The following ANG variants were observed in gnomAD, a reference collection of about 807,000 sequenced individuals.
ANG encodes Homo sapiens epididymis luminal protein 168.
For synonymous variants in ANG, 74 were observed against 73.8 expected, an observed-to-expected ratio of 1.00 and a Z score of -0.02; for missense variants, 178 against 187.4, an observed-to-expected ratio of 0.95 and a Z score of 0.29.
chr14:20,694,119 A>C lies in ANG; in HGVS notation c.*111A>C. On this transcript the variant is annotated 3_prime_UTR_variant, in exon 2 of 2. Coordinates refer to ENST00000397990, the MANE Select transcript of ANG (RefSeq NM_001097577.3). ...TTGCCAAGGGCCCAAAGAAAGAGCT[A>C]CCTGGACCTTTTGTTTTCTGTTTGA... 7 of 1,190,626 alleles carry C rather than the reference A, an allele frequency of 5.9e-6. No individual in the cohort carries two copies. Among genetic ancestry groups the C allele is most frequent in the Non-Finnish European group, 8.7e-6 (7 of 801,614 alleles). The allele number at this position is 1,190,626 out of a possible 1,614,324, so 73.8% of individuals were successfully genotyped here.
chr14:20,693,923 C>A lies in ANG; in HGVS notation c.359C>A (p.Ala120Asp), dbSNP rs1248531813. The change falls in exon 2 of 2, where the codon GCC becomes GAC. Residue 120 changes from alanine (A) to aspartate (D), a missense_variant. Transcript: ENST00000397990. ...GSPWPPCQYR[A>D]TAGFRNVVVA... is the part of the protein sequence containing the mutation. ...CCCTGGCCTCCATGCCAGTACCGAG[C>A]CACAGCGGGGTTCAGAAACGTTGTT... is the stretch of plus-strand genomic sequence containing the variant. 6.2e-7 allele frequency: 1 copy of A among 1,614,048 alleles called. No individual in the cohort carries two copies. Among genetic ancestry groups the A allele is most frequent in the South Asian group, 1.1e-5 (1 of 91,080 alleles).
At chr14:20,692,917 G>A (rs908384600) in intron 1 of ANG, among the ~76,000 whole-genome samples, 1 of 151,962 alleles carries the variant, frequency 6.6e-6, no homozygotes, top group African/African-American at 2.4e-5. Context: ...GCGCGATCTC[G>A]GCTCACTGCA....
chr14:20,693,611 T>C lies in ANG; in HGVS notation c.47T>C (p.Leu16Pro), dbSNP rs201878808. ...GVLLLVFVLG[L>P]GLTPPTLAQD... ...TTGTTGTTGGTCTTCGTGCTGGGTC[T>C]GGGTCTGACCCCACCGACCCTGGCT... The change falls in exon 2 of 2, where the codon CTG (leucine) becomes CCG (proline). Residue 16 changes from leucine (L) to proline (P), a missense_variant. Leu to Pro is a moderately conservative substitution (Grantham distance 98, BLOSUM62 -3). Transcript: ENST00000397990. 6.2e-7 allele frequency: 1 copy of C among 1,614,072 alleles called. No homozygotes were observed. Among genetic ancestry groups the C allele is most frequent in the Non-Finnish European group, 8.5e-7 (1 of 1,180,048 alleles).
upstream of ANG, among the ~76,000 whole-genome samples, chr14:20,687,714 T>G (rs1886491139): frequency 6.6e-6 from 1 of 152,246 alleles, no homozygotes; most frequent in South Asian, 2.1e-4. Context: ...AATGTAGTCA[T>G]GTATGTGAGA....
At chr14:20,689,778 T>C (rs1886615784) in intron 1 of ANG, among the ~76,000 whole-genome samples, 3 of 149,980 alleles carry the variant, frequency 2.0e-5, no homozygotes, top group South Asian at 2.1e-4. Context: ...TAGCCAAGCG[T>C]GGTGGTGGCC....
chr14:20,692,781 A>G (rs1886836923), intron 1 of ANG, among the ~76,000 whole-genome samples: 1 of 152,198 alleles, frequency 6.6e-6, no homozygotes, highest in Non-Finnish European at 1.5e-5. Context: ...TCATCTCAGT[A>G]CATTGAAGCC....
At chr14:20,688,139 G>A (rs1166466998), upstream of ANG, among the ~76,000 whole-genome samples, 3 of 152,174 alleles carry the variant, frequency 2.0e-5, no homozygotes, top group Non-Finnish European at 2.9e-5. Context: ...CTTGTGGACA[G>A]GTAAAGATGG....
intron 1 of ANG, among the ~76,000 whole-genome samples, chr14:20,690,221 C>CAAAAAAAAAAAAAAAAA (rs36091065): frequency 2.5e-4 from 17 of 67,982 alleles, no homozygotes; most frequent in Non-Finnish European, 3.5e-4. Context: ...GACTCCGTCT[C>CAAAAAAAAAAAAAAAAA]AAAAAAAAAA....
At position 20,694,087 on chromosome 14, in the gene ANG, A is replaced by ATGAATGTTGCCAC; in HGVS notation, c.*79_*80insTGAATGTTGCCAC. On this transcript the variant is annotated 3_prime_UTR_variant, in exon 2 of 2. Transcript: ENST00000397990. ...CTCTGCACCCAGAACAGTGGTGGCA[A>ATGAATGTTGCCAC]CATTCATTGCCAAGGGCCCAAAGAA... 3 of 1,526,820 alleles carry ATGAATGTTGCCAC rather than the reference A, an allele frequency of 2.0e-6. No homozygotes were observed. Among genetic ancestry groups the ATGAATGTTGCCAC allele is most frequent in the Non-Finnish European group, 2.7e-6 (3 of 1,100,816 alleles). The allele number at this position is 1,526,820 out of a possible 1,614,324, so 94.6% of individuals were successfully genotyped here.
upstream of ANG, chr14:20,688,519 C>A (rs1886534011): frequency 5.9e-6 from 1 of 170,282 alleles, no homozygotes; most frequent in Non-Finnish European, 1.2e-5. Context: ...TCAGTCCTGC[C>A]ATGAACAAGA....
Position 20,688,836 on chromosome 14 carries a change from A to C in ANG, c.-57A>C. On this transcript the variant is annotated 5_prime_UTR_variant, in exon 1 of 2. Coordinates refer to ENST00000397990, the MANE Select transcript of ANG (RefSeq NM_001097577.3). ...ACAGCTGGAACCCATCTCCCGTTGAAGGGAAACTGCCAGATTTTTGTAAGA... is the reference window on the plus strand; with the variant it reads ...ACAGCTGGAACCCATCTCCCGTTGACGGGAAACTGCCAGATTTTTGTAAGA... 3.0e-6 allele frequency: 3 copies of C among 985,424 alleles called. No individual in the cohort carries two copies. The highest frequency in any genetic ancestry group is 3.6e-6 in the Non-Finnish European group (3 of 829,932). 61.0% of individuals were successfully genotyped at this position (985,424 alleles called of 1,614,324 possible). A position where few individuals can be genotyped will look rare whatever the true frequency, so the allele number is the denominator to read the frequency against.
At chr14:20,685,401 C>T (rs778408470), upstream of ANG, among the ~76,000 whole-genome samples, 6 of 152,166 alleles carry the variant, frequency 3.9e-5, no homozygotes, top group Non-Finnish European at 7.3e-5. Flanking sequence ...AGGGAAATCT[C>T]AGATGAGCCA....
intron 1 of ANG, among the ~76,000 whole-genome samples, chr14:20,691,176 G>T (rs1248773117): frequency 6.6e-6 from 1 of 152,108 alleles, no homozygotes; most frequent in African/African-American, 2.4e-5. Flanking sequence ...GTATTTCCTA[G>T]AGAAGACATT....
At chr14:20,685,565 T>C (rs1886384069), upstream of ANG, among the ~76,000 whole-genome samples, 1 of 152,126 alleles carries the variant, frequency 6.6e-6, no homozygotes, top group South Asian at 2.1e-4. Context: ...ACTAACAAGT[T>C]TTGCAAGAGG....
chr14:20,687,623 T>A (rs957746943), upstream of ANG, among the ~76,000 whole-genome samples: 9 of 152,242 alleles, frequency 5.9e-5, no homozygotes, highest in African/African-American at 2.2e-4. Context: ...CCACCATTCA[T>A]CTGCTGTTTG....
In ANG at chr14:20,694,059, C is replaced by T. The variant is rs773360024; in HGVS notation, c.*51C>T. The stretch of plus-strand genomic sequence containing the variant: ...GCTCTGCTGTCCTTGCCTTCCATTT[C>T]CCCTCTGCACCCAGAACAGTGGTGG... On this transcript the variant is annotated 3_prime_UTR_variant, in exon 2 of 2. Transcript: ENST00000397990. 2.5e-6 allele frequency: 4 copies of T among 1,599,412 alleles called. No individual in the cohort carries two copies. The South Asian group carries it at 3.3e-5, about 13-fold the overall frequency.
chr14:20,685,823 C>T (rs751025455), upstream of ANG, among the ~76,000 whole-genome samples: 4 of 151,964 alleles, frequency 2.6e-5, no homozygotes, highest in African/African-American at 9.7e-5. Context: ...GGGTGCATCA[C>T]AAGATCAGGA....
At chr14:20,688,621 C>A, upstream of ANG, 1 of 865,516 alleles carries the variant, frequency 1.2e-6, no homozygotes, top group Non-Finnish European at 1.4e-6. Context: ...CTAATCCATT[C>A]AGGTGGGTTA....
At chr14:20,692,062 T>C (rs1405351841) in intron 1 of ANG, among the ~76,000 whole-genome samples, 1 of 152,248 alleles carries the variant, frequency 6.6e-6, no homozygotes, top group Non-Finnish European at 1.5e-5. Context: ...AAAATGTTCA[T>C]TGACTTACAC....
Sources: gnomAD v4.1 joint callset for allele counts (sites outside exome capture counted in the v4.1 genomes callset) on GRCh38, gnomAD v4.1.1 for gene constraint, MANE v1.5 for transcripts, NCBI Gene and HGNC (gene_info 2026-07-23, HGNC 2026-07-21) for gene names.